The following ATP6V1H variants were observed in gnomAD, a reference collection of about 807,000 sequenced individuals.
The protein encoded by ATP6V1H is V-type proton ATPase subunit H.
In ATP6V1H, 39 loss-of-function variants were observed where a neutral mutation model predicts 71.7. The observed-to-expected ratio is 0.54, with a 90% CI of 0.42 to 0.71. ATP6V1H has a LOEUF of 0.71. Ranked by LOEUF, ATP6V1H falls within the 30% of genes least tolerant of loss-of-function variation. The probability of loss-of-function intolerance (pLI) is 0.00; values close to 1 mark genes in which losing one functional copy is unlikely to be tolerated. For missense variants in ATP6V1H, 509 were observed against 594.9 expected, an observed-to-expected ratio of 0.86 and a Z score of 1.50; for synonymous variants, 192 against 199.3, an observed-to-expected ratio of 0.96 and a Z score of 0.31.
At chr8:53,755,989 C>T (rs1007927992) in intron 12 of ATP6V1H, among the ~76,000 whole-genome samples, 3 of 143,468 alleles carry the variant, frequency 2.1e-5, no homozygotes, top group Admixed American at 1.4e-4. Flanking sequence ...GATCTCCTGA[C>T]CTTGTGATCC....
intron 4 of ATP6V1H, among the ~76,000 whole-genome samples, chr8:53,818,336 T>C (rs1810521734): frequency 6.6e-6 from 1 of 152,196 alleles, no homozygotes; most frequent in Admixed American, 6.5e-5. Context: ...TCTTTAGTGG[T>C]GATTTGTGGG....
At chr8:53,725,502 C>T (rs1806781978) in intron 13 of ATP6V1H, among the ~76,000 whole-genome samples, 1 of 150,290 alleles carries the variant, frequency 6.7e-6, no homozygotes. Flanking sequence ...TTTGTCTAAG[C>T]ACGCAGCAGT....
chr8:53,819,498 C>T (rs1810561400), intron 4 of ATP6V1H, among the ~76,000 whole-genome samples: 1 of 134,770 alleles, frequency 7.4e-6, no homozygotes, highest in Non-Finnish European at 1.6e-5. Context: ...TGCCACTGCA[C>T]TCCAGCCTCA....
chr8:53,725,280 CT>C (rs1295519594), intron 13 of ATP6V1H, among the ~76,000 whole-genome samples: 1 of 152,142 alleles, frequency 6.6e-6, no homozygotes, highest in Non-Finnish European at 1.5e-5. Flanking sequence ...ACTCAGCCCC[CT>C]GGCCATGTGA....
intron 7 of ATP6V1H, among the ~76,000 whole-genome samples, chr8:53,802,527 C>T (rs1407029409): frequency 2.0e-5 from 3 of 151,726 alleles, no homozygotes; most frequent in Non-Finnish European, 4.4e-5. Context: ...GAGGCTAGCC[C>T]GGGCAACCTG....
intron 11 of ATP6V1H, 126 bp from the exon 12 acceptor site, chr8:53,756,782 G>A: frequency 1.7e-6 from 1 of 586,294 alleles, no homozygotes; most frequent in Admixed American, 3.1e-5. Flanking sequence ...ATTCTTCTAA[G>A]GATTTCACTA....
intron 12 of ATP6V1H, among the ~76,000 whole-genome samples, chr8:53,747,157 C>G (rs1479522605): frequency 6.6e-6 from 1 of 152,106 alleles, no homozygotes; most frequent in Non-Finnish European, 1.5e-5. Flanking sequence ...CATAAAATAT[C>G]CTCATAAGAA....
intron 5 of ATP6V1H, among the ~76,000 whole-genome samples, chr8:53,815,272 T>C (rs1810410898): frequency 6.6e-6 from 1 of 152,216 alleles, no homozygotes; most frequent in African/African-American, 2.4e-5. Flanking sequence ...TCCTTTCTCC[T>C]GAAAGATTTC....
At chr8:53,794,345 C>G (rs1390653547) in intron 9 of ATP6V1H, among the ~76,000 whole-genome samples, 1 of 152,114 alleles carries the variant, frequency 6.6e-6, no homozygotes, top group African/African-American at 2.4e-5. Flanking sequence ...TGCAATACAT[C>G]TGTACCACTT....
At chr8:53,740,663 T>A (rs1462649551) in intron 13 of ATP6V1H, among the ~76,000 whole-genome samples, 1 of 152,228 alleles carries the variant, frequency 6.6e-6, no homozygotes, top group Non-Finnish European at 1.5e-5. Flanking sequence ...CAGCATATTT[T>A]AGGTTAAAAA....
At chr8:53,779,475 C>T (rs1346480132) in intron 9 of ATP6V1H, among the ~76,000 whole-genome samples, 1 of 150,662 alleles carries the variant, frequency 6.6e-6, no homozygotes, top group East Asian at 1.9e-4. Flanking sequence ...ATGCTTGTCT[C>T]CTTTACTAAA....
chr8:53,780,209 C>G (rs1195330751), intron 9 of ATP6V1H, among the ~76,000 whole-genome samples: 1 of 149,660 alleles, frequency 6.7e-6, no homozygotes, highest in African/African-American at 2.5e-5. Flanking sequence ...TCAACTATAA[C>G]TTCAACACAT....
chr8:53,834,496 G>A (rs1373167435), intron 2 of ATP6V1H, among the ~76,000 whole-genome samples: 1 of 152,186 alleles, frequency 6.6e-6, no homozygotes, highest in Non-Finnish European at 1.5e-5. Context: ...CACGATCTCA[G>A]CTCAATGCAA....
chr8:53,827,308 A>C lies in ATP6V1H; in HGVS notation c.306+2136T>G, dbSNP rs1022154467. Among the ~76,000 whole-genome samples, 138 of 152,052 alleles carry C rather than the reference A, an allele frequency of 9.1e-4. 1 individual carries two copies. The highest frequency in any genetic ancestry group is 3.2e-3 in the African/African-American group (131 of 41,478). On this transcript the variant is annotated intron_variant, in intron 4 of 13. Transcript: ENST00000359530. ...TGAGGCAGGAGAATCACTTGAACCC[A>C]GGGGGCAGAGGTTGCAGCGAGCCGA... is the stretch of plus-strand genomic sequence containing the variant.
chr8:53,797,299 A>G (rs193177385), intron 8 of ATP6V1H, among the ~76,000 whole-genome samples: 1 of 152,346 alleles, frequency 6.6e-6, no homozygotes, highest in East Asian at 1.9e-4. Context: ...CCTGATCCTG[A>G]GAGCATTACC....
At chr8:53,769,594 T>C (rs776742592) in intron 11 of ATP6V1H, 24 bp downstream of exon 11, 1 of 1,604,954 alleles carries the variant, frequency 6.2e-7, no homozygotes, top group Admixed American at 1.7e-5. Flanking sequence ...ATATTAAGAG[T>C]GTAAAGTAGA....
chr8:53,717,684 A>G (rs1198273288), intron 13 of ATP6V1H, among the ~76,000 whole-genome samples: 2 of 152,070 alleles, frequency 1.3e-5, no homozygotes, highest in Non-Finnish European at 2.9e-5. Flanking sequence ...TCCTCTGGGA[A>G]TGCCTGCAAC....
intron 11 of ATP6V1H, among the ~76,000 whole-genome samples, chr8:53,761,381 A>G (rs886855005): frequency 2.6e-5 from 4 of 152,122 alleles, no homozygotes; most frequent in African/African-American, 9.6e-5. Context: ...GTTCCTGGTT[A>G]TTCAGAAAAA....
In ATP6V1H at chr8:53,795,842, G is replaced by A. The variant is rs756124206; in HGVS notation, c.678-3C>T. 2 of 1,575,314 alleles carry A rather than the reference G, an allele frequency of 1.3e-6. No individual in the cohort carries two copies. The highest frequency in any genetic ancestry group is 2.1e-5 in the Admixed American group (1 of 48,714). On this transcript the variant is annotated splice_polypyrimidine_tract_variant and splice_region_variant and intron_variant, in intron 8 of 13. Coordinates refer to ENST00000359530, the MANE Select transcript of ATP6V1H (RefSeq NM_015941.4). ...TGTTACTCAACACTCCCATTATGCT[G>A]AAAAACAAACAAACAAAAAAAACAC...
Sources: allele counts gnomAD v4.1 joint callset (sites outside exome capture counted in the v4.1 genomes callset), GRCh38; gene constraint gnomAD v4.1.1; transcripts MANE v1.5; gene names NCBI Gene and HGNC (gene_info 2026-07-23, HGNC 2026-07-21).